The following DACH1 variants were observed in gnomAD, a reference collection of about 807,000 sequenced individuals.
DACH1 encodes dachshund homolog 1.
A neutral mutation model predicts 54.2 loss-of-function variants in DACH1; 12 were observed. The ratio of observed to expected loss-of-function variants is 0.22; its 90% CI spans 0.14 to 0.36. DACH1 has a LOEUF of 0.36. Among genes scored for constraint, DACH1 ranks in the 10% least tolerant of loss-of-function variants. DACH1 has a pLI of 1.00. For synonymous variants in DACH1, 386 were observed against 366.2 expected (o/e 1.05, Z -0.62); for missense variants, 805 against 929.8 (o/e 0.87, Z 1.75).
In DACH1 at chr13:71,793,585, G is replaced by A. The variant is rs1465944427; in HGVS notation, c.848+72337C>T. Among the ~76,000 whole-genome samples the A allele has an allele frequency of 3.9e-5, 6 of 152,062 alleles. No individual in the cohort carries two copies. The East Asian group carries it at 1.2e-3, about 29-fold the overall frequency. ...GGGTTTTGCTCTGTTGCCCAGGCTG[G>A]AGTGCAGTGGTGCAATCTCACTGCA... On this transcript the variant is annotated intron_variant, in intron 1 of 10. Coordinates refer to ENST00000613252, the MANE Select transcript of DACH1 (RefSeq NM_080759.6).
intron 1 of DACH1, among the ~76,000 whole-genome samples, chr13:71,828,202 T>C (rs1038470052): frequency 3.9e-4 from 59 of 152,134 alleles, no homozygotes; most frequent in African/African-American, 1.4e-3. Flanking sequence ...GGACATTTAT[T>C]TTTTGCACTG....
At chr13:71,464,879 T>G in intron 10 of DACH1, 1 of 337,296 alleles carries the variant, frequency 3.0e-6, no homozygotes, top group Non-Finnish European at 5.6e-6. Flanking sequence ...ACAGGGAAAC[T>G]GGAAGGGAAT....
chr13:71,481,218 A>C (rs547674797), intron 7 of DACH1, among the ~76,000 whole-genome samples: 1 of 152,322 alleles, frequency 6.6e-6, no homozygotes, highest in African/African-American at 2.4e-5. Flanking sequence ...CAATGTCTAG[A>C]GATTATTTAG....
intron 1 of DACH1, among the ~76,000 whole-genome samples, chr13:71,779,198 TATATATGTGTATATATATACGTATATAC>T (rs1886226454): frequency 5.2e-5 from 6 of 115,712 alleles, no homozygotes; most frequent in Admixed American, 1.6e-4. Flanking sequence ...CGTATATACG[TATATATGTGTATATATATACGTATATAC>T]GTATATATAC....
chr13:71,724,270 CAT>C (rs1883373013), intron 1 of DACH1, among the ~76,000 whole-genome samples: 2 of 152,306 alleles, frequency 1.3e-5, no homozygotes, highest in African/African-American at 4.8e-5. Flanking sequence ...AGTAATTTTA[CAT>C]TTGAAAACCT....
At chr13:71,567,297 T>C (rs189997767) in intron 4 of DACH1, among the ~76,000 whole-genome samples, 1 of 152,156 alleles carries the variant, frequency 6.6e-6, no homozygotes, top group East Asian at 1.9e-4. Flanking sequence ...TCATCATATT[T>C]CTCAAAAACA....
intron 3 of DACH1, among the ~76,000 whole-genome samples, chr13:71,585,217 TA>T (rs1873150458): frequency 6.7e-6 from 1 of 148,292 alleles, no homozygotes; most frequent in Admixed American, 6.9e-5. Context: ...AATAAACAAA[TA>T]AATAAAGTAA....
chr13:71,611,941 T>C (rs928639198), intron 3 of DACH1, among the ~76,000 whole-genome samples: 1 of 152,150 alleles, frequency 6.6e-6, no homozygotes, highest in Admixed American at 6.5e-5. Context: ...TCCAATACTA[T>C]GTAAAAGAGC....
At chr13:71,766,849 A>AG (rs1488361928) in intron 1 of DACH1, among the ~76,000 whole-genome samples, 4 of 152,100 alleles carry the variant, frequency 2.6e-5, no homozygotes, top group African/African-American at 9.6e-5. Context: ...TTAAAAAAAA[A>AG]AAGCTCTCAC....
rs59126150 is a variant in DACH1 at position 71,820,105 on chromosome 13, G to GAAAAAAA, written c.848+45810_848+45816dup. 9.4e-3 allele frequency among the ~76,000 whole-genome samples: 500 copies of GAAAAAAA among 52,970 alleles called. 2 individuals are homozygous for GAAAAAAA. The highest frequency in any genetic ancestry group is 0.014 in the East Asian group (20 of 1,476). The allele number at this position is 52,970 out of a possible 152,430, so 34.8% of individuals were successfully genotyped here. ...AACATAGGGAGATCCTGCCTCTACC[G>GAAAAAAA]AAAAAAAAAAAAAAAAAAAAAAAGA... On this transcript the variant is annotated intron_variant, in intron 1 of 10. Coordinates refer to ENST00000613252, the MANE Select transcript of DACH1 (RefSeq NM_080759.6).
At chr13:71,773,369 T>C (rs932768) in intron 1 of DACH1, among the ~76,000 whole-genome samples, 66,802 of 151,672 alleles carry the variant, frequency 0.44, 15,550 homozygotes, top group East Asian at 0.86. Flanking sequence ...GCATAAGTCT[T>C]TTGAGATCTG....
At position 71,504,688 on chromosome 13, in the gene DACH1, C is replaced by T. The variant is rs189149190; in HGVS notation, c.1571-15540G>A. 1.4e-3 allele frequency among the ~76,000 whole-genome samples: 209 copies of T among 151,604 alleles called. 5 individuals are homozygous for T. The South Asian group carries it at 0.028, about 20-fold the overall frequency. ...GATCTTACAGAAATGGCAACTCTTC[C>T]TAATCATGGATGTATCATGAGAATA... On this transcript the variant is annotated intron_variant, in intron 6 of 10. Transcript: ENST00000613252.
chr13:71,818,487 A>G (rs1163606488), intron 1 of DACH1, among the ~76,000 whole-genome samples: 2 of 152,126 alleles, frequency 1.3e-5, no homozygotes, highest in Non-Finnish European at 2.9e-5. Context: ...CCCAATAAAG[A>G]CTTTGGATTT....
intron 1 of DACH1, among the ~76,000 whole-genome samples, chr13:71,738,210 T>C (rs1319902868): frequency 6.6e-6 from 1 of 152,042 alleles, no homozygotes; most frequent in African/African-American, 2.4e-5. Context: ...TAAATAGGAG[T>C]TCCCCTCCAC....
chr13:71,457,032 A>T lies in DACH1; in HGVS notation c.2084-16340T>A, dbSNP rs117397280. On this transcript the variant is annotated intron_variant, in intron 10 of 10. Coordinates refer to ENST00000613252, the MANE Select transcript of DACH1 (RefSeq NM_080759.6). ...TATAACCTACACTTTCTTGTGATAA[A>T]TCGGGACACTATTACATGAGCACGT... 7.4e-3 allele frequency among the ~76,000 whole-genome samples: 1,127 copies of T among 152,172 alleles called. 10 individuals are homozygous for T. Among genetic ancestry groups the T allele is most frequent in the East Asian group, 0.031 (161 of 5,182 alleles).
intron 10 of DACH1, among the ~76,000 whole-genome samples, chr13:71,442,537 G>A (rs1226009870): frequency 1.3e-5 from 2 of 152,044 alleles, no homozygotes; most frequent in Non-Finnish European, 2.9e-5. Flanking sequence ...CTACCTCCAA[G>A]ATGTCATGAA....
At chr13:71,625,253 T>C (rs1169681738) in intron 3 of DACH1, among the ~76,000 whole-genome samples, 1 of 152,032 alleles carries the variant, frequency 6.6e-6, no homozygotes, top group Non-Finnish European at 1.5e-5. Context: ...TTGAGGTTCA[T>C]TAACATTGCC....
chr13:71,737,589 T>G (rs533360552), intron 1 of DACH1, among the ~76,000 whole-genome samples: 4 of 152,232 alleles, frequency 2.6e-5, no homozygotes, highest in Non-Finnish European at 1.5e-5. Context: ...ATTGACTTAT[T>G]TTATAATCAA....
intron 3 of DACH1, among the ~76,000 whole-genome samples, chr13:71,620,840 A>G (rs909388564): frequency 6.6e-6 from 1 of 151,986 alleles, no homozygotes; most frequent in Admixed American, 6.6e-5. Flanking sequence ...ATCATAATCT[A>G]TACTGATGTA....
Sources: allele counts gnomAD v4.1 joint callset (sites outside exome capture counted in the v4.1 genomes callset), GRCh38; gene constraint gnomAD v4.1.1; transcripts MANE v1.5; gene names NCBI Gene and HGNC (gene_info 2026-07-23, HGNC 2026-07-21).